STK3: variants seen among roughly 807,000 people sequenced by gnomAD.
STK3 encodes serine/threonine kinase 3.
In STK3, 41 loss-of-function variants were observed where a neutral mutation model predicts 58.0. The observed-to-expected ratio is 0.71, with a 90% CI of 0.55 to 0.92. STK3 has a LOEUF of 0.92. Ranked by LOEUF, STK3 falls within the 40% of genes least tolerant of loss-of-function variation. The pLI is 0.00. For missense variants in STK3, 479 were observed against 602.7 expected, an observed-to-expected ratio of 0.79 and a Z score of 2.15; for synonymous variants, 170 against 191.0, an observed-to-expected ratio of 0.89 and a Z score of 0.91.
At chr8:98,854,878 G>A (rs958518372) in intron 3 of STK3, among the ~76,000 whole-genome samples, 24 of 152,058 alleles carry the variant, frequency 1.6e-4, no homozygotes, top group Middle Eastern at 3.2e-3. Flanking sequence ...CAAATATGGC[G>A]AAACCCCGTC....
At chr8:98,758,199 T>C (rs1338878933) in intron 3 of STK3, among the ~76,000 whole-genome samples, 6 of 152,222 alleles carry the variant, frequency 3.9e-5, no homozygotes, top group African/African-American at 2.4e-5. Flanking sequence ...GGCAGATTCA[T>C]AGCTGAATTT....
At chr8:98,724,582 A>T (rs1455866748) in intron 4 of STK3, among the ~76,000 whole-genome samples, 4 of 152,216 alleles carry the variant, frequency 2.6e-5, no homozygotes, top group Non-Finnish European at 5.9e-5. Context: ...AACTTTTAGG[A>T]AGAAAACTCT....
intron 6 of STK3, among the ~76,000 whole-genome samples, chr8:98,690,860 T>C (rs1172652239): frequency 6.6e-6 from 1 of 152,022 alleles, no homozygotes; most frequent in Non-Finnish European, 1.5e-5. Flanking sequence ...CACAGACCAA[T>C]GGAACAGAAT....
At chr8:98,795,812 A>AATACGATACAATACAATACG (rs200872656) in intron 1 of STK3, among the ~76,000 whole-genome samples, 1 of 129,784 alleles carries the variant, frequency 7.7e-6, no homozygotes, top group African/African-American at 3.3e-5. Context: ...AATACAATAC[A>AATACGATACAATACAATACG]ATACAATACA....
chr8:98,351,371 A>G, the STK3 span, among the ~76,000 whole-genome samples: 46 of 152,308 alleles, frequency 3.0e-4, no homozygotes, highest in African/African-American at 1.1e-3. Flanking sequence ...GGATCGAGAG[A>G]TCTTATGTAA....
At position 98,579,898 on chromosome 8, in the gene STK3, T is replaced by C. The variant is rs185245917; in HGVS notation, c.823-109A>G. ...TAACCAGGATCACAGGCTTCAATGATTGTTTTTTCATCTAGAATTAAATGT... is the reference window on the plus strand; with the variant it reads ...TAACCAGGATCACAGGCTTCAATGACTGTTTTTTCATCTAGAATTAAATGT... On this transcript the variant is annotated intron_variant, in intron 7 of 10. Transcript: ENST00000419617. The C allele has an allele frequency of 7.7e-3, 7,909 of 1,022,026 alleles. 47 individuals carry two copies. Among genetic ancestry groups the C allele is most frequent in the Non-Finnish European group, 9.5e-3 (7,173 of 752,164 alleles). 63.3% of individuals were successfully genotyped at this position (1,022,026 alleles called of 1,614,324 possible).
chr8:98,844,289 A>C (rs1410021139), intron 3 of STK3, among the ~76,000 whole-genome samples: 1 of 152,246 alleles, frequency 6.6e-6, no homozygotes, highest in East Asian at 1.9e-4. Flanking sequence ...TTACATGAGA[A>C]GAAATCTTAA....
chr8:98,426,077 T>C (rs993050846), intron 3 of STK3, among the ~76,000 whole-genome samples: 4 of 152,096 alleles, frequency 2.6e-5, no homozygotes, highest in Non-Finnish European at 5.9e-5. Context: ...CGAGTCTTCT[T>C]AGGAATAGGG....
At chr8:98,826,089 C>T (rs1835287673), upstream of STK3, among the ~76,000 whole-genome samples, 1 of 152,164 alleles carries the variant, frequency 6.6e-6, no homozygotes, top group South Asian at 2.1e-4. Context: ...GAGGCCGGAG[C>T]CGCTCTAGGC....
chr8:98,450,960 G>A (rs909129263), downstream of STK3, among the ~76,000 whole-genome samples: 1 of 152,154 alleles, frequency 6.6e-6, no homozygotes, highest in African/African-American at 2.4e-5. Flanking sequence ...GGAGTGTAAG[G>A]CCACTACTGG....
chr8:98,604,168 C>G (rs1816591001), intron 6 of STK3, among the ~76,000 whole-genome samples: 1 of 152,180 alleles, frequency 6.6e-6, no homozygotes, highest in Admixed American at 6.5e-5. Flanking sequence ...AGCAAGGAAA[C>G]AAATTCTCTC....
chr8:98,435,090 G>A (rs894412033), intron 2 of STK3, among the ~76,000 whole-genome samples: 2 of 152,188 alleles, frequency 1.3e-5, no homozygotes, highest in Admixed American at 1.3e-4. Context: ...GAGAGCACAG[G>A]AGCCCCCTGG....
At chr8:98,447,963 T>TAAC (rs1563612106) in intron 1 of STK3, among the ~76,000 whole-genome samples, 1 of 139,924 alleles carries the variant, frequency 7.1e-6, no homozygotes, top group Non-Finnish European at 1.6e-5. Context: ...AGTATAATAA[T>TAAC]AATAATAATA....
intron 6 of STK3, among the ~76,000 whole-genome samples, chr8:98,650,601 C>T (rs1820810256): frequency 1.3e-5 from 2 of 152,234 alleles, no homozygotes; most frequent in South Asian, 4.1e-4. Context: ...AAAGGGGTGA[C>T]AGAGGGCACC....
At chr8:98,679,021 C>T (rs1166239058) in intron 6 of STK3, among the ~76,000 whole-genome samples, 1 of 152,148 alleles carries the variant, frequency 6.6e-6, no homozygotes, top group Non-Finnish European at 1.5e-5. Context: ...ATACCTAATC[C>T]ATCAGCAAAT....
chr8:98,850,489 A>T (rs1456654451), intron 3 of STK3, among the ~76,000 whole-genome samples: 1 of 152,222 alleles, frequency 6.6e-6, no homozygotes, highest in African/African-American at 2.4e-5. Context: ...CATGGGGCTT[A>T]CAAGCGCACA....
chr8:98,786,243 C>T (rs1587617627), intron 1 of STK3, among the ~76,000 whole-genome samples: 1 of 152,110 alleles, frequency 6.6e-6, no homozygotes, highest in Admixed American at 6.5e-5. Flanking sequence ...ATAGACTGGA[C>T]CAAGCAAAAG....
intron 6 of STK3, among the ~76,000 whole-genome samples, chr8:98,686,579 C>T (rs759117314): frequency 1.3e-5 from 2 of 152,104 alleles, no homozygotes; most frequent in Non-Finnish European, 2.9e-5. Flanking sequence ...GCAATTACTC[C>T]TAACCAGAAT....
In STK3 at chr8:98,455,746, G is replaced by A. The variant is rs1011016448; in HGVS notation, c.*96C>T. ...ACTTTTTGACCTCTGCCTAATTGTA[G>A]GGCAAAATCTTAGGATTAAAAATAT... is the stretch of plus-strand genomic sequence containing the variant. On this transcript the variant is annotated 3_prime_UTR_variant, in exon 11 of 11. Transcript: ENST00000419617. The A allele has an allele frequency of 2.0e-6, 3 of 1,486,502 alleles. No individual in the cohort carries two copies. In the African/African-American group the frequency reaches 4.2e-5, roughly 21 times the overall value. The allele number at this position is 1,486,502 out of a possible 1,614,324, so 92.1% of individuals were successfully genotyped here.
Sources: allele counts gnomAD v4.1 joint callset (sites outside exome capture counted in the v4.1 genomes callset), GRCh38; gene constraint gnomAD v4.1.1; transcripts MANE v1.5; gene names NCBI Gene and HGNC (gene_info 2026-07-23, HGNC 2026-07-21).